The following CYFIP2 variants were observed in gnomAD, a reference collection of about 807,000 sequenced individuals.
CYFIP2 encodes cytoplasmic FMR1-interacting protein 2.
In CYFIP2, 29 loss-of-function variants were observed where a neutral mutation model predicts 158.7. That is an observed-to-expected ratio of 0.18 (90% CI 0.14 to 0.25). The LOEUF is 0.25. Among genes scored for constraint, CYFIP2 ranks in the 10% least tolerant of loss-of-function variants. CYFIP2 has a pLI of 1.00. For synonymous variants in CYFIP2, 585 were observed against 617.6 expected, an observed-to-expected ratio of 0.95 and a Z score of 0.78; for missense variants, 852 against 1,639.5, an observed-to-expected ratio of 0.52 and a Z score of 8.29.
At chr5:157,366,883 G>A (rs946146745) in intron 26 of CYFIP2, among the ~76,000 whole-genome samples, 2 of 152,020 alleles carry the variant, frequency 1.3e-5, no homozygotes, top group Admixed American at 6.6e-5. Context: ...CTAGACTTTC[G>A]GCCATTGTTT....
intron 20 of CYFIP2, among the ~76,000 whole-genome samples, chr5:157,331,481 G>A (rs56360322): frequency 0.011 from 1,675 of 151,598 alleles, 38 homozygotes; most frequent in African/African-American, 0.038. Flanking sequence ...ACGTCTGTGT[G>A]CTTATTATGT....
At position 157,359,631 on chromosome 5, in the gene CYFIP2, C is replaced by G. The variant is rs567555234; in HGVS notation, c.2817+483C>G. On this transcript the variant is annotated intron_variant, in intron 24 of 30. Coordinates refer to ENST00000620254, the MANE Select transcript of CYFIP2 (RefSeq NM_001037333.3). Reference sequence around the variant, plus strand: ...ATACTGCACTGGCTTCAAGAGAGTTCTGTATCCCTTTACCACTATTCTGAA... The same window carrying G: ...ATACTGCACTGGCTTCAAGAGAGTTGTGTATCCCTTTACCACTATTCTGAA... Among the ~76,000 whole-genome samples, 16 of 152,358 alleles carry G rather than the reference C, an allele frequency of 1.1e-4. No homozygotes were observed. In the South Asian group the frequency reaches 3.3e-3, roughly 32 times the overall value.
At chr5:157,292,537 T>C (rs776948383) in intron 3 of CYFIP2, among the ~76,000 whole-genome samples, 5 of 152,206 alleles carry the variant, frequency 3.3e-5, no homozygotes, top group Non-Finnish European at 7.4e-5. Flanking sequence ...GTTTTCAAAG[T>C]TCATCCATGT....
intron 26 of CYFIP2, among the ~76,000 whole-genome samples, chr5:157,378,536 T>G (rs1765707110): frequency 6.6e-6 from 1 of 152,212 alleles, no homozygotes; most frequent in South Asian, 2.1e-4. Context: ...AAGTCAGGCT[T>G]CCCAAGGCTT....
At chr5:157,355,918 C>T (rs1391548866) in intron 23 of CYFIP2, among the ~76,000 whole-genome samples, 1 of 152,056 alleles carries the variant, frequency 6.6e-6, no homozygotes, top group African/African-American at 2.4e-5. Context: ...AAGCTGCAGC[C>T]CTCTTCAGGA....
chr5:157,271,198 A>C (rs77458926), intron 1 of CYFIP2, among the ~76,000 whole-genome samples: 12,446 of 152,258 alleles, frequency 0.082, 668 homozygotes, highest in Middle Eastern at 0.15. Context: ...GCAAAGGCAC[A>C]AAGGAAGAGT....
intron 6 of CYFIP2, among the ~76,000 whole-genome samples, chr5:157,302,142 T>C (rs1417705034): frequency 1.3e-5 from 2 of 152,226 alleles, no homozygotes; most frequent in African/African-American, 2.4e-5. Flanking sequence ...GCCGCCCAGC[T>C]AGGTCATGAG....
At chr5:157,370,286 A>G (rs1293998662) in intron 26 of CYFIP2, among the ~76,000 whole-genome samples, 2 of 152,228 alleles carry the variant, frequency 1.3e-5, no homozygotes, top group African/African-American at 4.8e-5. Context: ...GAGTCTTGAC[A>G]TTGATGCTTA....
rs1761391606 is a variant in CYFIP2, at chr5:157,330,739, C to T, written c.2157-3C>T. 6.2e-7 allele frequency: 1 copy of T among 1,612,716 alleles called. No individual in the cohort carries two copies. The highest frequency in any genetic ancestry group is 8.5e-7 in the Non-Finnish European group (1 of 1,178,736). On this transcript the variant is annotated splice_polypyrimidine_tract_variant and splice_region_variant and intron_variant, in intron 19 of 30. Coordinates refer to ENST00000620254, the MANE Select transcript of CYFIP2 (RefSeq NM_001037333.3). ...GGCCTTGTTTCACTTTTATTCCTTG[C>T]AGTGTCCTGTTGGATAAACGTTTTC...
intron 8 of CYFIP2, among the ~76,000 whole-genome samples, chr5:157,307,078 G>A (rs1759292339): frequency 2.0e-5 from 3 of 152,280 alleles, no homozygotes; most frequent in African/African-American, 7.2e-5. Context: ...CAGCATTCAG[G>A]AGACTATTAG....
intron 1 of CYFIP2, among the ~76,000 whole-genome samples, chr5:157,284,853 C>G (rs912691047): frequency 6.6e-6 from 1 of 152,126 alleles, no homozygotes; most frequent in African/African-American, 2.4e-5. Context: ...AACCCGGGCT[C>G]TGGTTTTCAG....
chr5:157,309,902 C>A, intron 10 of CYFIP2, 68 bp downstream of exon 10: 2 of 1,405,108 alleles, frequency 1.4e-6, no homozygotes, highest in South Asian at 1.2e-5. Context: ...AGCCGAGGGG[C>A]CACTTCAGCC....
chr5:157,324,409 G>A (rs940522654), intron 16 of CYFIP2, among the ~76,000 whole-genome samples: 2 of 152,152 alleles, frequency 1.3e-5, no homozygotes, highest in African/African-American at 4.8e-5. Context: ...GCAACCAAGC[G>A]CTAATTAGTA....
Position 157,300,831 on chromosome 5 carries a change from T to C in CYFIP2, c.504T>C (p.Phe168=), listed in dbSNP as rs746144507. 11 of 1,612,896 alleles carry C rather than the reference T, an allele frequency of 6.8e-6. No individual in the cohort carries two copies. The highest frequency in any genetic ancestry group is 1.6e-4 in the Middle Eastern group (1 of 6,078). ...CCCTTGGCAAGTTCATCAACATGTT[T>C]GCTGTCCTGGATGAGCTAAAGAACA... ...LLTLGKFINM[F]AVLDELKNMK... The change falls in exon 6 of 31, where the codon TTT becomes TTC. Residue 168 remains phenylalanine (F), a synonymous_variant. Coordinates refer to ENST00000620254, the MANE Select transcript of CYFIP2 (RefSeq NM_001037333.3).
intron 13 of CYFIP2, among the ~76,000 whole-genome samples, chr5:157,316,984 C>T (rs566661576): frequency 6.6e-6 from 1 of 152,244 alleles, no homozygotes; most frequent in East Asian, 1.9e-4. Context: ...GAAAGTTTTG[C>T]AGTCATCACC....
rs150114505 is a variant in CYFIP2, at chr5:157,358,900, G to A, written c.2674-105G>A. On this transcript the variant is annotated intron_variant, in intron 23 of 30. Transcript: ENST00000620254. ...TCATGGGGCTCCAGTGAGCACGCTC[G>A]TAACACTGGGTTCCTAATGCTTCTG... The A allele has an allele frequency of 2.5e-4, 369 of 1,455,394 alleles. 1 individual carries two copies. The East Asian group carries it at 5.7e-3, about 22-fold the overall frequency. 90.2% of individuals were successfully genotyped at this position (1,455,394 alleles called of 1,614,324 possible).
chr5:157,296,629 A>G, intron 4 of CYFIP2, 44 bp from the exon 5 acceptor site: 1 of 1,557,708 alleles, frequency 6.4e-7, no homozygotes, highest in Non-Finnish European at 8.8e-7. Flanking sequence ...TAATAAGACA[A>G]CAGGTGTAAA....
intron 13 of CYFIP2, among the ~76,000 whole-genome samples, chr5:157,317,933 C>T (rs867278370): frequency 5.3e-5 from 8 of 152,276 alleles, no homozygotes; most frequent in Middle Eastern, 3.4e-3. Context: ...AGACCAGCCC[C>T]GCCACTGATC....
intron 26 of CYFIP2, among the ~76,000 whole-genome samples, chr5:157,373,525 G>A (rs1275922792): frequency 6.6e-6 from 1 of 152,186 alleles, no homozygotes; most frequent in Non-Finnish European, 1.5e-5. Flanking sequence ...GGGAGAAAGA[G>A]CATGCTCTGA....
Sources: allele counts gnomAD v4.1 joint callset (sites outside exome capture counted in the v4.1 genomes callset), GRCh38; gene constraint gnomAD v4.1.1; transcripts MANE v1.5; gene names NCBI Gene and HGNC (gene_info 2026-07-23, HGNC 2026-07-21).